CDK6: variants seen among roughly 807,000 people sequenced by gnomAD.
CDK6 encodes the protein cyclin-dependent kinase 6.
A neutral mutation model predicts 37.1 loss-of-function variants in CDK6; 6 were observed. That is an observed-to-expected ratio of 0.16 (90% CI 0.09 to 0.32). The LOEUF is 0.32. Ranked by LOEUF, CDK6 falls within the 10% of genes least tolerant of loss-of-function variation. The pLI, the probability that CDK6 is intolerant of heterozygous loss-of-function variation, is 1.00. For missense variants in CDK6, 224 were observed against 418.9 expected, an observed-to-expected ratio of 0.53 and a Z score of 4.06; for synonymous variants, 160 against 161.3, an observed-to-expected ratio of 0.99 and a Z score of 0.06.
At chr7:92,672,184 G>C (rs13242237) in intron 4 of CDK6, among the ~76,000 whole-genome samples, 3,510 of 42,812 alleles carry the variant, frequency 0.082, 19 homozygotes, top group East Asian at 0.14. Context: ...CACACACACA[G>C]ACACATACAC....
intron 5 of CDK6, among the ~76,000 whole-genome samples, chr7:92,654,566 T>C (rs1299878807): frequency 6.6e-6 from 1 of 152,186 alleles, no homozygotes; most frequent in East Asian, 1.9e-4. Flanking sequence ...ACTTACTAAA[T>C]ATCCCATTCT....
intron 3 of CDK6, among the ~76,000 whole-genome samples, chr7:92,771,171 G>A (rs1799705911): frequency 6.6e-6 from 1 of 151,230 alleles, no homozygotes. Context: ...GGGAGGTGGA[G>A]GTTGCAGTGA....
At chr7:92,728,415 T>A (rs1245239211) in intron 3 of CDK6, among the ~76,000 whole-genome samples, 1 of 152,226 alleles carries the variant, frequency 6.6e-6, no homozygotes, top group Non-Finnish European at 1.5e-5. Context: ...TTTAAAAACA[T>A]GTAACAATTC....
Position 92,833,458 on chromosome 7 carries a change from G to A in CDK6, c.-135C>T, listed in dbSNP as rs1332273656. On this transcript the variant is annotated 5_prime_UTR_variant, in exon 2 of 8. Coordinates refer to ENST00000424848, the MANE Select transcript of CDK6 (RefSeq NM_001145306.2). The surrounding 1 kb of genome is among the most constrained non-coding windows in gnomAD (Gnocchi z 6.1). Reference sequence around the variant, plus strand: ...CTTTACTTGCTCCCCGCCGGCTCAGGCGCTCGGGCGCTGGGGCTTTCGCCG... The same window carrying A: ...CTTTACTTGCTCCCCGCCGGCTCAGACGCTCGGGCGCTGGGGCTTTCGCCG... The A allele has an allele frequency of 3.2e-6, 2 of 619,554 alleles. No individual in the cohort carries two copies. The highest frequency in any genetic ancestry group is 3.1e-5 in the East Asian group (1 of 32,542). The allele number at this position is 619,554 out of a possible 1,614,324, so 38.4% of individuals were successfully genotyped here.
chr7:92,631,336 G>A (rs1346443643), intron 5 of CDK6, among the ~76,000 whole-genome samples: 1 of 152,150 alleles, frequency 6.6e-6, no homozygotes, highest in African/African-American at 2.4e-5. Flanking sequence ...AGAGGCTGTA[G>A]AAGACAGAAT....
chr7:92,798,648 C>T (rs1383990244), intron 2 of CDK6, among the ~76,000 whole-genome samples: 3 of 152,176 alleles, frequency 2.0e-5, no homozygotes, highest in Non-Finnish European at 4.4e-5. Flanking sequence ...CTCTCTGTTG[C>T]TAAGGGAACC....
At chr7:92,777,448 G>A (rs1294467772) in intron 2 of CDK6, among the ~76,000 whole-genome samples, 1 of 152,220 alleles carries the variant, frequency 6.6e-6, no homozygotes, top group South Asian at 2.1e-4. Context: ...GTTACTCCAT[G>A]TTGGTCAGAC....
chr7:92,749,344 G>A (rs1799135632), intron 3 of CDK6, among the ~76,000 whole-genome samples: 1 of 152,134 alleles, frequency 6.6e-6, no homozygotes, highest in African/African-American at 2.4e-5. Context: ...TGGTGTGGTA[G>A]TGTGCACCTG....
At chr7:92,669,255 C>T (rs181187885) in intron 5 of CDK6, among the ~76,000 whole-genome samples, 1 of 152,340 alleles carries the variant, frequency 6.6e-6, no homozygotes, top group East Asian at 1.9e-4. Flanking sequence ...GAGGATTCTG[C>T]AAGCTAGGCT....
At chr7:92,801,515 G>A (rs1800574849) in intron 2 of CDK6, among the ~76,000 whole-genome samples, 1 of 152,152 alleles carries the variant, frequency 6.6e-6, no homozygotes, top group Non-Finnish European at 1.5e-5. Context: ...TGGTTAAGGT[G>A]TCCTGCCCAG....
intron 4 of CDK6, among the ~76,000 whole-genome samples, chr7:92,683,047 A>G (rs1364682091): frequency 6.6e-6 from 1 of 152,226 alleles, no homozygotes; most frequent in Non-Finnish European, 1.5e-5. Flanking sequence ...GACACTAAAC[A>G]ATCATACATT....
At chr7:92,669,241 C>T (rs1044063846) in intron 5 of CDK6, among the ~76,000 whole-genome samples, 1 of 152,152 alleles carries the variant, frequency 6.6e-6, no homozygotes, top group African/African-American at 2.4e-5. Context: ...TGTTCCAGGT[C>T]GTAGAGGATT....
chr7:92,795,152 T>C (rs1800377343), intron 2 of CDK6, among the ~76,000 whole-genome samples: 1 of 152,146 alleles, frequency 6.6e-6, no homozygotes, highest in Non-Finnish European at 1.5e-5. Context: ...GAAAAGTTAT[T>C]GTCGTTTTTC....
chr7:92,798,242 C>T (rs1009015947), intron 2 of CDK6, among the ~76,000 whole-genome samples: 1 of 152,132 alleles, frequency 6.6e-6, no homozygotes. Flanking sequence ...GTGCATAATA[C>T]ATTTATCTTC....
At chr7:92,685,936 G>T (rs1797441540) in intron 4 of CDK6, among the ~76,000 whole-genome samples, 1 of 152,062 alleles carries the variant, frequency 6.6e-6, no homozygotes, top group African/African-American at 2.4e-5. Flanking sequence ...GCTTTCTTCT[G>T]CCCCTTTTCT....
chr7:92,735,142 A>T (rs1456529520), intron 3 of CDK6, among the ~76,000 whole-genome samples: 6 of 152,196 alleles, frequency 3.9e-5, no homozygotes, highest in African/African-American at 1.4e-4. Context: ...GAGTTTCTCA[A>T]AGTACAGTCT....
intron 2 of CDK6, among the ~76,000 whole-genome samples, chr7:92,828,812 G>T (rs1247637134): frequency 6.6e-6 from 1 of 152,044 alleles, no homozygotes; most frequent in East Asian, 1.9e-4. Flanking sequence ...GCATTATCAA[G>T]TTCTTCTGTA....
At chr7:92,815,933 G>C (rs768768502) in intron 2 of CDK6, among the ~76,000 whole-genome samples, 1 of 152,128 alleles carries the variant, frequency 6.6e-6, no homozygotes, top group Non-Finnish European at 1.5e-5. Context: ...CCAAAGAAGA[G>C]AGACTACAAA....
chr7:92,754,529 C>T (rs984291559), intron 3 of CDK6, among the ~76,000 whole-genome samples: 1 of 152,186 alleles, frequency 6.6e-6, no homozygotes, highest in South Asian at 2.1e-4. Flanking sequence ...CATAATTTCA[C>T]ACAGGACCAT....
Sources: gnomAD v4.1 joint callset for allele counts (sites outside exome capture counted in the v4.1 genomes callset) on GRCh38, gnomAD v4.1.1 for gene constraint, Gnocchi (gnomAD v3.1) non-coding constraint, MANE v1.5 for transcripts, NCBI Gene and HGNC (gene_info 2026-07-23, HGNC 2026-07-21) for gene names.